MAMDC2: variants seen among roughly 807,000 people sequenced by gnomAD.
MAMDC2 encodes the protein MAM domain-containing protein 2.
Under a neutral mutation model 89.8 loss-of-function variants are expected in MAMDC2, and 57 were observed. That is an observed-to-expected ratio of 0.63 (90% CI 0.51 to 0.79). The LOEUF (loss-of-function observed/expected upper bound fraction) is 0.79. MAMDC2 is among the 30% of genes least tolerant of loss of function. The pLI is 0.00. For missense variants in MAMDC2, 800 were observed against 820.6 expected (o/e 0.97, Z 0.31); for synonymous variants, 313 against 293.4 (o/e 1.07, Z -0.68).
At chr9:70,096,575 G>C (rs1005910911) in intron 2 of MAMDC2, among the ~76,000 whole-genome samples, 7 of 152,182 alleles carry the variant, frequency 4.6e-5, no homozygotes, top group Admixed American at 3.3e-4. Context: ...CAAAGGCAAA[G>C]GTGGCACAGC....
At chr9:70,070,290 T>C (rs1024629681) in intron 2 of MAMDC2, among the ~76,000 whole-genome samples, 1 of 152,206 alleles carries the variant, frequency 6.6e-6, no homozygotes, top group African/African-American at 2.4e-5. Flanking sequence ...AGAAAAAGGC[T>C]AACTCCATGT....
At chr9:70,101,181 A>G (rs1828181085) in intron 2 of MAMDC2, among the ~76,000 whole-genome samples, 1 of 150,048 alleles carries the variant, frequency 6.7e-6, no homozygotes, top group Non-Finnish European at 1.5e-5. Flanking sequence ...TATTTAAATC[A>G]TAAAAAACCT....
intron 11 of MAMDC2, among the ~76,000 whole-genome samples, chr9:70,179,272 G>T (rs979374152): frequency 1.3e-5 from 2 of 152,108 alleles, no homozygotes; most frequent in Middle Eastern, 3.4e-3. Context: ...CAGCACTTTG[G>T]GAGGCTGAGG....
intron 11 of MAMDC2, among the ~76,000 whole-genome samples, chr9:70,203,195 G>C (rs1474115148): frequency 6.6e-6 from 1 of 152,012 alleles, no homozygotes; most frequent in Non-Finnish European, 1.5e-5. Context: ...GGCTGGTACC[G>C]GTTGTTCCTT....
chr9:70,208,565 C>T (rs1321369760), intron 11 of MAMDC2, among the ~76,000 whole-genome samples: 1 of 152,194 alleles, frequency 6.6e-6, no homozygotes, highest in Non-Finnish European at 1.5e-5. Flanking sequence ...AATATACAAT[C>T]ATGTCATCTG....
chr9:70,170,716 C>A, intron 11 of MAMDC2, 85 bp downstream of exon 11: 2 of 1,296,474 alleles, frequency 1.5e-6, no homozygotes, highest in Non-Finnish European at 2.1e-6. Flanking sequence ...TTGAAATGTG[C>A]AAAATTATGT....
intron 2 of MAMDC2, among the ~76,000 whole-genome samples, chr9:70,069,955 C>A (rs529071281): frequency 6.6e-6 from 1 of 152,078 alleles, no homozygotes; most frequent in Admixed American, 6.6e-5. Context: ...TTTTTGCAAC[C>A]CTGCCTGAAA....
intron 11 of MAMDC2, among the ~76,000 whole-genome samples, chr9:70,206,850 A>C (rs147786693): frequency 6.6e-6 from 1 of 151,928 alleles, no homozygotes; most frequent in Admixed American, 6.6e-5. Context: ...TCATTGTTCA[A>C]TTCCCACCTA....
intron 9 of MAMDC2, among the ~76,000 whole-genome samples, chr9:70,144,806 C>T (rs991345270): frequency 6.6e-6 from 1 of 152,246 alleles, no homozygotes; most frequent in Non-Finnish European, 1.5e-5. Context: ...ATTCATAGCC[C>T]GAACTTCTCT....
At chr9:70,211,904 G>C (rs564127292) in intron 11 of MAMDC2, among the ~76,000 whole-genome samples, 287 of 152,358 alleles carry the variant, frequency 1.9e-3, no homozygotes, top group African/African-American at 6.7e-3. Context: ...TCCAGACTCT[G>C]TTTGCCTGGG....
intron 2 of MAMDC2, among the ~76,000 whole-genome samples, chr9:70,049,505 C>T (rs1826840112): frequency 6.6e-6 from 1 of 152,078 alleles, no homozygotes. Flanking sequence ...AGCTCCTTTC[C>T]TGATTTTGGA....
chr9:70,064,171 A>T (rs2975914), intron 2 of MAMDC2, among the ~76,000 whole-genome samples: 6,922 of 152,090 alleles, frequency 0.046, 502 homozygotes, highest in African/African-American at 0.16. Context: ...GAATTTTTTT[A>T]AAATTTTTTT....
chr9:70,209,688 G>A (rs779774479), intron 11 of MAMDC2, among the ~76,000 whole-genome samples: 11 of 152,098 alleles, frequency 7.2e-5, no homozygotes, highest in Non-Finnish European at 1.0e-4. Flanking sequence ...TTTTGAATGT[G>A]TTTGCTCTTG....
intron 2 of MAMDC2, among the ~76,000 whole-genome samples, chr9:70,051,899 A>ATAGG: frequency 6.6e-6 from 1 of 151,868 alleles, no homozygotes; most frequent in African/African-American, 2.4e-5. Context: ...AGATAGATAG[A>ATAGG]TAGATAGATA....
chr9:70,209,941 G>A (rs969522212), intron 11 of MAMDC2, among the ~76,000 whole-genome samples: 13 of 152,142 alleles, frequency 8.5e-5, no homozygotes, highest in Non-Finnish European at 1.3e-4. Flanking sequence ...GTAGTTGAGC[G>A]GTTTTGAGTG....
intron 6 of MAMDC2, among the ~76,000 whole-genome samples, chr9:70,127,890 A>G (rs1353545157): frequency 6.6e-6 from 1 of 152,210 alleles, no homozygotes; most frequent in Non-Finnish European, 1.5e-5. Context: ...CCACACACAC[A>G]CTGACAGCGT....
chr9:70,052,524 C>T (rs1826934298), intron 2 of MAMDC2, among the ~76,000 whole-genome samples: 1 of 152,198 alleles, frequency 6.6e-6, no homozygotes. Flanking sequence ...TGAAAACCCT[C>T]CCTTCCCATG....
chr9:70,195,823 A>C (rs1278139344), intron 11 of MAMDC2, among the ~76,000 whole-genome samples: 1 of 152,130 alleles, frequency 6.6e-6, no homozygotes, highest in Non-Finnish European at 1.5e-5. Flanking sequence ...TGCTTCCTTT[A>C]AGTGAAAAGG....
intron 2 of MAMDC2, among the ~76,000 whole-genome samples, chr9:70,067,520 T>A (rs764000078): frequency 6.6e-6 from 1 of 152,106 alleles, no homozygotes; most frequent in Non-Finnish European, 1.5e-5. Flanking sequence ...AGGAAAAAGG[T>A]TGCCCATATC....
Sources: gnomAD v4.1 joint callset for allele counts (sites outside exome capture counted in the v4.1 genomes callset) on GRCh38, gnomAD v4.1.1 for gene constraint, MANE v1.5 for transcripts, NCBI Gene and HGNC (gene_info 2026-07-23, HGNC 2026-07-21) for gene names.